Variants in PRR5L observed in about 807,000 individuals in gnomAD.
PRR5L encodes proline-rich protein 5-like.
Under a neutral mutation model 36.4 loss-of-function variants are expected in PRR5L, and 21 were observed. That is an observed-to-expected ratio of 0.58 (90% CI 0.41 to 0.83). The LOEUF (loss-of-function observed/expected upper bound fraction) is 0.83, where lower values mean the gene tolerates loss of function less well. PRR5L is among the 40% of genes least tolerant of loss of function. The pLI, the probability that PRR5L is intolerant of heterozygous loss-of-function variation, is 0.00. For missense variants in PRR5L, 381 were observed against 473.3 expected (o/e 0.80, Z 1.81); for synonymous variants, 188 against 197.0 (o/e 0.95, Z 0.38).
intron 1 of PRR5L, among the ~76,000 whole-genome samples, chr11:36,374,269 ATTTT>A (rs1225520043): frequency 6.6e-6 from 1 of 151,764 alleles, no homozygotes; most frequent in Non-Finnish European, 1.5e-5. Context: ...TAATTTTTGT[ATTTT>A]TAGTAGAGAT....
At chr11:36,460,243 T>G (rs928878284) in intron 8 of PRR5L, among the ~76,000 whole-genome samples, 2 of 152,216 alleles carry the variant, frequency 1.3e-5, no homozygotes, top group Non-Finnish European at 2.9e-5. Flanking sequence ...CAAATTTCTG[T>G]CTTTAGATAG....
At chr11:36,383,342 C>G (rs1023151661) in intron 1 of PRR5L, among the ~76,000 whole-genome samples, 3 of 152,210 alleles carry the variant, frequency 2.0e-5, no homozygotes, top group African/African-American at 7.2e-5. Flanking sequence ...TTCTTTGGCC[C>G]TCACAGTCAA....
chr11:36,454,415 C>G (rs1287055418), intron 8 of PRR5L, among the ~76,000 whole-genome samples: 8 of 152,132 alleles, frequency 5.3e-5, no homozygotes, highest in Admixed American at 5.2e-4. Context: ...GTTTATTTTG[C>G]CTGTGGGAGG....
rs1430555922 is a variant in PRR5L, at chr11:36,451,302, G to C, written c.679G>C (p.Asp227His). ...VVSPFLGISG[D>H]RSFSGPTYTL... ...TTCTCCTTTCCTCGGCATCAGCGGGGACCGTAGCTTCTCAGGCCCCACGTA... is the reference window on the plus strand; with the variant it reads ...TTCTCCTTTCCTCGGCATCAGCGGGCACCGTAGCTTCTCAGGCCCCACGTA... The change falls in exon 8 of 9, where the codon GAC becomes CAC. Residue 227 changes from aspartate (D) to histidine (H), a missense_variant. Coordinates refer to ENST00000530639, the MANE Select transcript of PRR5L (RefSeq NM_001160167.2). 6.2e-7 allele frequency: 1 copy of C among 1,614,208 alleles called. No individual in the cohort carries two copies. The highest frequency in any genetic ancestry group is 1.7e-5 in the Admixed American group (1 of 60,026).
intron 1 of PRR5L, among the ~76,000 whole-genome samples, chr11:36,386,316 C>A (rs562788580): frequency 6.6e-6 from 1 of 152,132 alleles, no homozygotes; most frequent in Admixed American, 6.5e-5. Flanking sequence ...ATTAAAAATA[C>A]GTTAAAAATA....
intron 1 of PRR5L, among the ~76,000 whole-genome samples, chr11:36,361,957 G>T (rs1048193211): frequency 6.6e-6 from 1 of 151,814 alleles, no homozygotes; most frequent in Non-Finnish European, 1.5e-5. Context: ...TGACCTCTGA[G>T]GGTCCTTTCA....
chr11:36,445,553 C>T (rs1422578398), intron 6 of PRR5L, among the ~76,000 whole-genome samples: 1 of 151,958 alleles, frequency 6.6e-6, no homozygotes, highest in Non-Finnish European at 1.5e-5. Context: ...GAAACTTGAG[C>T]AGCTCTAAAA....
intron 7 of PRR5L, 132 bp from the exon 8 acceptor site, chr11:36,451,077 C>A (rs1858934171): frequency 9.0e-7 from 1 of 1,109,532 alleles, no homozygotes; most frequent in Admixed American, 2.1e-5. Flanking sequence ...TTCATCCTAA[C>A]TGCAAGGATG....
chr11:36,318,958 G>A (rs117903002), intron 1 of PRR5L, among the ~76,000 whole-genome samples: 1 of 152,184 alleles, frequency 6.6e-6, no homozygotes, highest in Non-Finnish European at 1.5e-5. Context: ...TTTTTTACTA[G>A]AAAGGTCCTA....
At chr11:36,410,070 C>T (rs1458951842) in intron 3 of PRR5L, among the ~76,000 whole-genome samples, 1 of 152,184 alleles carries the variant, frequency 6.6e-6, no homozygotes, top group South Asian at 2.1e-4. Flanking sequence ...GATGAGGGCT[C>T]TTCTTGGTCT....
intron 1 of PRR5L, among the ~76,000 whole-genome samples, chr11:36,312,158 T>C (rs1296608410): frequency 6.6e-6 from 1 of 152,164 alleles, no homozygotes; most frequent in East Asian, 1.9e-4. Context: ...ATACCGTTTT[T>C]TGAGAAGCAC....
chr11:36,412,105 G>T (rs2133572081), intron 3 of PRR5L, among the ~76,000 whole-genome samples: 2 of 152,240 alleles, frequency 1.3e-5, no homozygotes, highest in South Asian at 4.1e-4. Flanking sequence ...AAGAATCAGT[G>T]AATTTTCCCG....
chr11:36,351,519 A>ATT lies in PRR5L; in HGVS notation c.-125-49476_-125-49475dup, dbSNP rs1856956578. 1.5e-3 allele frequency among the ~76,000 whole-genome samples: 12 copies of ATT among 7,890 alleles called. 5 individuals carry two copies. Among genetic ancestry groups the ATT allele is most frequent in the African/African-American group, 7.5e-3 (12 of 1,604 alleles). The allele number at this position is 7,890 out of a possible 152,430, so 5.2% of individuals were successfully genotyped here. A position where few individuals can be genotyped will look rare whatever the true frequency, so the allele number is the denominator to read the frequency against. ...TATATATTTTTATATATTTATATATATTTATATATTTATATAAATATATAT... is the reference window on the plus strand; with the variant it reads ...TATATATTTTTATATATTTATATATATTTTTATATATTTATATAAATATATAT... On this transcript the variant is annotated intron_variant, in intron 1 of 8. Transcript: ENST00000530639.
intron 1 of PRR5L, among the ~76,000 whole-genome samples, chr11:36,320,676 G>A (rs1856606318): frequency 6.6e-6 from 1 of 152,202 alleles, no homozygotes; most frequent in Admixed American, 6.5e-5. Flanking sequence ...GCTTAGAAAG[G>A]CAGAGTGTGA....
In PRR5L at chr11:36,375,647, C is replaced by T. The variant is rs149478988; in HGVS notation, c.-125-25350C>T. Among the ~76,000 whole-genome samples the T allele has an allele frequency of 4.8e-3, 731 of 152,296 alleles. 7 individuals carry two copies. The highest frequency in any genetic ancestry group is 0.017 in the African/African-American group (688 of 41,562). ...TGATGCAGGTAGTGAGTCCTGCAAA[C>T]AGCTGCACTAAATTCTTAACACCTG... On this transcript the variant is annotated intron_variant, in intron 1 of 8. Coordinates refer to ENST00000530639, the MANE Select transcript of PRR5L (RefSeq NM_001160167.2).
intron 8 of PRR5L, among the ~76,000 whole-genome samples, chr11:36,456,943 A>G (rs535289251): frequency 6.6e-6 from 1 of 152,282 alleles, no homozygotes; most frequent in East Asian, 1.9e-4. Context: ...GAAGGTGGGG[A>G]CAGGTGGTGT....
In PRR5L at chr11:36,462,893, G is replaced by A; in HGVS notation, c.*157G>A. On this transcript the variant is annotated 3_prime_UTR_variant, in exon 9 of 9. Transcript: ENST00000530639. Reference sequence around the variant, plus strand: ...CAAAATGACCTAAGGGGAAACCGTTGTTGTAAACCTCTTTATTTTGGTGAC... The same window carrying A: ...CAAAATGACCTAAGGGGAAACCGTTATTGTAAACCTCTTTATTTTGGTGAC... 1.6e-6 allele frequency: 1 copy of A among 638,950 alleles called. No homozygotes were observed. Among genetic ancestry groups the A allele is most frequent in the African/African-American group, 1.9e-5 (1 of 53,886 alleles). The allele number at this position is 638,950 out of a possible 1,614,324, so 39.6% of individuals were successfully genotyped here. A position where few individuals can be genotyped will look rare whatever the true frequency, so the allele number is the denominator to read the frequency against.
intron 8 of PRR5L, chr11:36,455,569 A>C (rs1859038797): frequency 6.5e-6 from 1 of 152,682 alleles, no homozygotes; most frequent in African/African-American, 2.4e-5. Context: ...TCCCGCTAAA[A>C]GGGCACCACT....
chr11:36,371,462 C>T (rs1219883882), intron 1 of PRR5L, among the ~76,000 whole-genome samples: 1 of 152,092 alleles, frequency 6.6e-6, no homozygotes, highest in Non-Finnish European at 1.5e-5. Context: ...CATTTTATTA[C>T]CTGAGCTCTG....
Sources: gnomAD v4.1 joint callset for allele counts (sites outside exome capture counted in the v4.1 genomes callset) on GRCh38, gnomAD v4.1.1 for gene constraint, MANE v1.5 for transcripts, NCBI Gene and HGNC (gene_info 2026-07-23, HGNC 2026-07-21) for gene names.